Variants in IL1RAPL1 observed in about 807,000 individuals in gnomAD.
IL1RAPL1 encodes interleukin-1 receptor accessory protein-like 1.
Under a neutral mutation model 48.4 loss-of-function variants are expected in IL1RAPL1, and 3 were observed. The observed-to-expected ratio is 0.06, with a 90% confidence interval of 0.03 to 0.16. The LOEUF is 0.16. Among genes scored for constraint, IL1RAPL1 ranks in the 10% least tolerant of loss-of-function variants. The probability of loss-of-function intolerance (pLI) is 1.00; values close to 1 mark genes in which losing one functional copy is unlikely to be tolerated. For missense variants in IL1RAPL1, 349 were observed against 530.6 expected, an observed-to-expected ratio of 0.66 and a Z score of 3.36; for synonymous variants, 185 against 187.7, an observed-to-expected ratio of 0.99 and a Z score of 0.12.
At chrX:29,572,504 A>C (rs1249414890) in intron 5 of IL1RAPL1, among the ~76,000 whole-genome samples, 14 of 112,464 alleles carry the variant, frequency 1.2e-4, no homozygotes, top group Non-Finnish European at 1.9e-4. Context: ...TTTTTTAATG[A>C]AAATTTGTTT....
chrX:29,378,391 T>TA (rs1264206020), intron 3 of IL1RAPL1, among the ~76,000 whole-genome samples: 1 of 111,966 alleles, frequency 8.9e-6, no homozygotes, highest in Non-Finnish European at 1.9e-5. Context: ...GTCAGGCTGT[T>TA]TAAGAAGCAT....
intron 2 of IL1RAPL1, among the ~76,000 whole-genome samples, chrX:29,153,547 C>T (rs1300012528): frequency 8.9e-6 from 1 of 111,861 alleles, no homozygotes; most frequent in African/African-American, 3.2e-5. Context: ...AGGCTTGTGT[C>T]TCATAATGTA....
At chrX:28,684,956 G>T (rs187243274) in intron 1 of IL1RAPL1, among the ~76,000 whole-genome samples, 1 of 111,592 alleles carries the variant, frequency 9.0e-6, no homozygotes, top group Non-Finnish European at 1.9e-5. Flanking sequence ...CTCTTTCCTT[G>T]TGTCTAAAAT....
intron 1 of IL1RAPL1, among the ~76,000 whole-genome samples, chrX:28,667,628 T>C (rs771089124): frequency 8.9e-6 from 1 of 112,262 alleles, no homozygotes. Context: ...TCCTGGTGAA[T>C]GATGTTCTGA....
rs1182947446 is a variant in IL1RAPL1, at chrX:28,768,814, A to ATG, written c.-24-20496_-24-20495dup. On this transcript the variant is annotated intron_variant, in intron 1 of 10. Transcript: ENST00000378993. ...TATATATACAGACATTATATATATA[A>ATG]TGTGTGTGTGTATATATATATATAT... Among the ~76,000 whole-genome samples, 67 of 44,648 alleles carry ATG rather than the reference A, an allele frequency of 1.5e-3. 1 individual carries two copies. The highest frequency in any genetic ancestry group is 7.8e-3 in the African/African-American group (65 of 8,314). 38.8% of individuals were successfully genotyped at this position (44,648 alleles called of 115,157 possible). A position where few individuals can be genotyped will look rare whatever the true frequency, so the allele number is the denominator to read the frequency against.
chrX:29,285,935 A>G (rs745369471), intron 3 of IL1RAPL1, among the ~76,000 whole-genome samples: 26 of 112,001 alleles, frequency 2.3e-4, no homozygotes, highest in Admixed American at 1.9e-4. Context: ...CTATCAGGCC[A>G]CTAAACTGTC....
intron 2 of IL1RAPL1, among the ~76,000 whole-genome samples, chrX:28,993,091 T>C (rs1411344856): frequency 1.8e-5 from 2 of 112,143 alleles, no homozygotes; most frequent in Non-Finnish European, 1.9e-5. Context: ...TGTGATTCGG[T>C]AAGACCTTAA....
At chrX:29,775,433 C>T (rs1256983098) in intron 6 of IL1RAPL1, among the ~76,000 whole-genome samples, 1 of 111,558 alleles carries the variant, frequency 9.0e-6, no homozygotes, top group Non-Finnish European at 1.9e-5. Flanking sequence ...ATTGCTCATC[C>T]TTTTGTGGAA....
intron 2 of IL1RAPL1, among the ~76,000 whole-genome samples, chrX:29,072,015 C>T (rs184361135): frequency 2.1e-4 from 23 of 111,332 alleles, no homozygotes; most frequent in African/African-American, 5.9e-4. Flanking sequence ...TTACAAGAGA[C>T]AAGTGCTAGG....
At chrX:29,145,616 T>C (rs769976311) in intron 2 of IL1RAPL1, among the ~76,000 whole-genome samples, 33 of 111,504 alleles carry the variant, frequency 3.0e-4, no homozygotes, top group Non-Finnish European at 5.6e-4. Context: ...AGCTCAGACC[T>C]TTCTCTCCAA....
rs1296218693 is a variant in IL1RAPL1, at chrX:28,737,143, TTCC to T, written c.-24-52175_-24-52173del. 0.013 allele frequency among the ~76,000 whole-genome samples: 396 copies of T among 30,984 alleles called. 6 individuals are homozygous for T. The East Asian group carries it at 0.15, about 11-fold the overall frequency. 26.9% of individuals were successfully genotyped at this position (30,984 alleles called of 115,157 possible). A position where few individuals can be genotyped will look rare whatever the true frequency, so the allele number is the denominator to read the frequency against. On this transcript the variant is annotated intron_variant, in intron 1 of 10. Transcript: ENST00000378993. ...CTTCCTTCCTTCCTTCCTTCCTTCC[TTCC>T]TTCCTTCCTTCCTTCCTTCCTTCCT...
At chrX:29,810,229 C>T (rs892472168) in intron 6 of IL1RAPL1, among the ~76,000 whole-genome samples, 9 of 110,099 alleles carry the variant, frequency 8.2e-5, no homozygotes, top group Middle Eastern at 4.7e-3. Flanking sequence ...CTCCCTCTGT[C>T]ACCCAGGCTG....
intron 2 of IL1RAPL1, among the ~76,000 whole-genome samples, chrX:28,846,191 A>G (rs1046703887): frequency 1.8e-5 from 2 of 111,766 alleles, no homozygotes; most frequent in African/African-American, 6.5e-5. Flanking sequence ...ACCTTTTCAC[A>G]TTGGCTTCTG....
rs150214121 is a variant in IL1RAPL1 at position 29,481,412 on chromosome X, G to A, written c.703+82104G>A. On this transcript the variant is annotated intron_variant, in intron 5 of 10. Coordinates refer to ENST00000378993, the MANE Select transcript of IL1RAPL1 (RefSeq NM_014271.4). ...TCCATGCACTTCTGTGACAGAGAGGGTGTTTCAAGAATTTTGGCAAAGACT... is the reference window on the plus strand; with the variant it reads ...TCCATGCACTTCTGTGACAGAGAGGATGTTTCAAGAATTTTGGCAAAGACT... 4.7e-3 allele frequency among the ~76,000 whole-genome samples: 528 copies of A among 112,714 alleles called. 3 individuals carry two copies. Among genetic ancestry groups the A allele is most frequent in the African/African-American group, 0.016 (508 of 31,048 alleles).
chrX:29,583,917 C>T (rs1357993718), intron 5 of IL1RAPL1, among the ~76,000 whole-genome samples: 1 of 111,486 alleles, frequency 9.0e-6, no homozygotes, highest in Non-Finnish European at 1.9e-5. Flanking sequence ...TGTGGCACAA[C>T]AAAGTGATCT....
chrX:28,627,211 A>G (rs1348344615), intron 1 of IL1RAPL1, among the ~76,000 whole-genome samples: 3 of 112,138 alleles, frequency 2.7e-5, no homozygotes, highest in Non-Finnish European at 3.8e-5. Flanking sequence ...GGCAAATGCT[A>G]AAGAAAATGG....
intron 8 of IL1RAPL1, among the ~76,000 whole-genome samples, chrX:29,934,113 A>G (rs991967741): frequency 8.9e-6 from 1 of 111,909 alleles, no homozygotes; most frequent in African/African-American, 3.2e-5. Flanking sequence ...TGGAAAAGTT[A>G]TATTGGAAGT....
chrX:28,950,735 C>G (rs1239092803), intron 2 of IL1RAPL1, among the ~76,000 whole-genome samples: 1 of 106,354 alleles, frequency 9.4e-6, no homozygotes, highest in Non-Finnish European at 1.9e-5. Flanking sequence ...GGATCTAGAA[C>G]TAGAAATACC....
chrX:29,390,662 C>T (rs765001514), intron 3 of IL1RAPL1, among the ~76,000 whole-genome samples: 80 of 111,649 alleles, frequency 7.2e-4, no homozygotes, highest in Non-Finnish European at 1.3e-3. Flanking sequence ...TACACATTAT[C>T]GTACATAGGG....
Sources: allele counts gnomAD v4.1 joint callset (sites outside exome capture counted in the v4.1 genomes callset), GRCh38; gene constraint gnomAD v4.1.1; transcripts MANE v1.5; gene names NCBI Gene and HGNC (gene_info 2026-07-23, HGNC 2026-07-21).